The following PIBF1 variants were observed in gnomAD, a reference collection of about 807,000 sequenced individuals.
PIBF1 encodes progesterone-induced-blocking factor 1.
Under a neutral mutation model 112.5 loss-of-function variants are expected in PIBF1, and 90 were observed. The ratio of observed to expected loss-of-function variants is 0.80; its 90% CI spans 0.67 to 0.95. PIBF1 has a LOEUF of 0.95. Ranked by LOEUF, PIBF1 falls within the 40% of genes least tolerant of loss-of-function variation. PIBF1 has a pLI of 0.00. For synonymous variants in PIBF1, 301 were observed against 288.6 expected (o/e 1.04, Z -0.44); for missense variants, 915 against 852.3 (o/e 1.07, Z -0.92).
At chr13:72,918,330 C>T (rs2041170367) in intron 13 of PIBF1, among the ~76,000 whole-genome samples, 1 of 151,594 alleles carries the variant, frequency 6.6e-6, no homozygotes, top group Non-Finnish European at 1.5e-5. Context: ...GCTATCATTT[C>T]CTGTGTAATT....
Position 72,987,854 on chromosome 13 carries a change from A to ATTTTTTTTT in PIBF1, c.2050-10965_2050-10964insTTTTTTTTT, listed in dbSNP as rs1287996992. Among the ~76,000 whole-genome samples, 41 of 58,664 alleles carry ATTTTTTTTT rather than the reference A, an allele frequency of 7.0e-4. 3 individuals are homozygous for ATTTTTTTTT. The highest frequency in any genetic ancestry group is 2.5e-3 in the African/African-American group (31 of 12,206). The allele number at this position is 58,664 out of a possible 152,430, so 38.5% of individuals were successfully genotyped here. A position where few individuals can be genotyped will look rare whatever the true frequency, so the allele number is the denominator to read the frequency against. The stretch of plus-strand genomic sequence containing the variant: ...TTTTTTGTAATTTATTTATTTATTT[A>ATTTTTTTTT]TTTATTTTTTTTTTTTTTTTTTTTT... On this transcript the variant is annotated intron_variant, in intron 16 of 17. Transcript: ENST00000326291.
intron 17 of PIBF1, among the ~76,000 whole-genome samples, chr13:73,000,081 G>A (rs1190316833): frequency 6.6e-6 from 1 of 152,188 alleles, no homozygotes; most frequent in Non-Finnish European, 1.5e-5. Flanking sequence ...TTATTTTAAG[G>A]ATACGTGTGG....
At chr13:72,938,916 TTAA>T (rs1203387414) in intron 14 of PIBF1, among the ~76,000 whole-genome samples, 1 of 152,202 alleles carries the variant, frequency 6.6e-6, no homozygotes, top group African/African-American at 2.4e-5. Context: ...TCTAATTAGG[TTAA>T]TAATGTTAAC....
Position 72,795,569 on chromosome 13 carries a change from A to G in PIBF1, c.552+12A>G, listed in dbSNP as rs780556926. ...CTGAATATGTATCTGTAAGTATCTT[A>G]TATCTATTTTTAACTATGACATATA... On this transcript the variant is annotated intron_variant, in intron 4 of 17. Coordinates refer to ENST00000326291, the MANE Select transcript of PIBF1 (RefSeq NM_006346.4). The G allele has an allele frequency of 2.1e-6, 3 of 1,438,900 alleles. No homozygotes were observed. Among genetic ancestry groups the G allele is most frequent in the Admixed American group, 2.0e-5 (1 of 49,514 alleles). The allele number at this position is 1,438,900 out of a possible 1,614,324, so 89.1% of individuals were successfully genotyped here.
chr13:72,985,803 A>C lies in PIBF1; in HGVS notation c.2049+12128A>C, dbSNP rs117147521. ...GGATAGGGTTTAAAGTCTGAAGTTG[A>C]TGCTGAAAATCAACAAGAATATGCA... On this transcript the variant is annotated intron_variant, in intron 16 of 17. Coordinates refer to ENST00000326291, the MANE Select transcript of PIBF1 (RefSeq NM_006346.4). Among the ~76,000 whole-genome samples, 1,315 of 152,164 alleles carry C rather than the reference A, an allele frequency of 8.6e-3. 64 individuals are homozygous for C. The highest frequency in any genetic ancestry group is 9.5e-3 in the East Asian group (49 of 5,164).
intron 10 of PIBF1, among the ~76,000 whole-genome samples, chr13:72,881,739 G>T (rs1325375097): frequency 1.4e-5 from 2 of 145,758 alleles, no homozygotes; most frequent in East Asian, 2.0e-4. Context: ...AAAAGTAAAA[G>T]ATCTCTACAA....
intron 3 of PIBF1, among the ~76,000 whole-genome samples, chr13:72,794,431 A>G (rs1397962522): frequency 6.6e-6 from 1 of 152,150 alleles, no homozygotes; most frequent in Non-Finnish European, 1.5e-5. Flanking sequence ...GTGTCTGTTA[A>G]TGGGATTGAT....
intron 17 of PIBF1, among the ~76,000 whole-genome samples, chr13:73,015,282 G>A (rs1010796192): frequency 3.3e-5 from 5 of 152,152 alleles, no homozygotes; most frequent in Admixed American, 6.5e-5. Flanking sequence ...ATGAGCCACC[G>A]CGCCCAGCCA....
intron 16 of PIBF1, among the ~76,000 whole-genome samples, chr13:72,994,117 A>C (rs924920283): frequency 4.5e-5 from 2 of 44,038 alleles, no homozygotes; most frequent in South Asian, 1.1e-3. Context: ...TGTCTCAAAA[A>C]AAAAAGAAAA....
intron 14 of PIBF1, among the ~76,000 whole-genome samples, chr13:72,938,445 G>A (rs1327115327): frequency 2.0e-5 from 3 of 152,042 alleles, no homozygotes; most frequent in Non-Finnish European, 4.4e-5. Context: ...TTATATAAAT[G>A]AAATCATGCA....
Position 72,827,751 on chromosome 13 carries a change from A to G in PIBF1, c.934A>G (p.Thr312Ala). ...LSKEVVTLEQ[T>A]VTLLQKDKEY... ...TATGTAGGTAGTCACCTTAGAGCAA[A>G]CTGTTACTTTACTGCAAAAGGATAA... is the stretch of plus-strand genomic sequence containing the variant. Residue 312 changes from threonine (T) to alanine (A), a missense_variant, in exon 8 of 18, where the codon ACT becomes GCT. Transcript: ENST00000326291. 3 of 1,586,378 alleles carry G rather than the reference A, an allele frequency of 1.9e-6. No individual in the cohort carries two copies. The highest frequency in any genetic ancestry group is 2.6e-6 in the Non-Finnish European group (3 of 1,166,418).
At chr13:72,883,819 T>C (rs1199344277) in intron 10 of PIBF1, among the ~76,000 whole-genome samples, 1 of 152,146 alleles carries the variant, frequency 6.6e-6, no homozygotes, top group Non-Finnish European at 1.5e-5. Context: ...CTAGACCAGG[T>C]GTGGTGGATC....
At chr13:72,783,368 T>C (rs1182194924) in intron 1 of PIBF1, 55 bp from the exon 2 acceptor site, 1 of 811,392 alleles carries the variant, frequency 1.2e-6, no homozygotes, top group East Asian at 2.6e-5. Flanking sequence ...ATACAGTCCA[T>C]GATTTCTGTA....
At chr13:72,833,752 T>C (rs1043533046) in intron 8 of PIBF1, among the ~76,000 whole-genome samples, 4 of 152,184 alleles carry the variant, frequency 2.6e-5, no homozygotes, top group Non-Finnish European at 5.9e-5. Context: ...GGAGGCAGTC[T>C]GACCCTTAGC....
intron 5 of PIBF1, among the ~76,000 whole-genome samples, chr13:72,812,469 C>T (rs1023723985): frequency 9.2e-5 from 14 of 152,054 alleles, no homozygotes; most frequent in African/African-American, 2.4e-4. Context: ...CAGTGGCTCA[C>T]GGCTGTAATC....
At chr13:73,001,714 C>T (rs993848420) in intron 17 of PIBF1, among the ~76,000 whole-genome samples, 8 of 150,140 alleles carry the variant, frequency 5.3e-5, no homozygotes, top group African/African-American at 2.0e-4. Context: ...ACCTCTGCCT[C>T]CCAGGTTCAA....
chr13:73,011,385 T>TAA (rs556986787), intron 17 of PIBF1, among the ~76,000 whole-genome samples: 150 of 152,264 alleles, frequency 9.9e-4, no homozygotes, highest in African/African-American at 3.5e-3. Flanking sequence ...ACCTAGTTCT[T>TAA]ACAGTAAATA....
intron 5 of PIBF1, among the ~76,000 whole-genome samples, chr13:72,802,374 T>G (rs1262395306): frequency 6.6e-6 from 1 of 152,154 alleles, no homozygotes; most frequent in Non-Finnish European, 1.5e-5. Context: ...TGTAGAGCTA[T>G]AAGGATGGAA....
chr13:72,898,840 C>T (rs1347803691), intron 11 of PIBF1, among the ~76,000 whole-genome samples: 1 of 146,448 alleles, frequency 6.8e-6, no homozygotes, highest in Non-Finnish European at 1.5e-5. Context: ...AAGAGCGAAA[C>T]TCCATCTCAG....
Sources: allele counts gnomAD v4.1 joint callset (sites outside exome capture counted in the v4.1 genomes callset), GRCh38; gene constraint gnomAD v4.1.1; transcripts MANE v1.5; gene names NCBI Gene and HGNC (gene_info 2026-07-23, HGNC 2026-07-21).